DCBLD2: variants seen among roughly 807,000 people sequenced by gnomAD.
DCBLD2 encodes the protein discoidin, CUB and LCCL domain-containing protein 2.
Under a neutral mutation model 86.8 loss-of-function variants are expected in DCBLD2, and 54 were observed. That is an observed-to-expected ratio of 0.62 (90% CI 0.50 to 0.78). DCBLD2 has a LOEUF of 0.78. DCBLD2 is among the 30% of genes least tolerant of loss of function. The probability of loss-of-function intolerance (pLI) is 0.00; values close to 1 mark genes in which losing one functional copy is unlikely to be tolerated. For synonymous variants in DCBLD2, 354 were observed against 341.3 expected (o/e 1.04, Z -0.41); for missense variants, 908 against 954.2 (o/e 0.95, Z 0.64).
chr3:98,820,351 G>T, intron 6 of DCBLD2, 63 bp from the exon 7 acceptor site: 1 of 1,246,154 alleles, frequency 8.0e-7, no homozygotes, highest in Non-Finnish European at 1.1e-6. Flanking sequence ...CATATTTAGT[G>T]AAACATTTTC....
intron 5 of DCBLD2, 144 bp from the exon 6 acceptor site, chr3:98,822,505 C>T: frequency 1.6e-6 from 2 of 1,287,118 alleles, no homozygotes; most frequent in Non-Finnish European, 2.1e-6. Context: ...GGTACTGTAA[C>T]ACAACAGTTT....
chr3:98,894,877 CT>C (rs1470980163), intron 1 of DCBLD2, among the ~76,000 whole-genome samples: 1 of 151,986 alleles, frequency 6.6e-6, no homozygotes, highest in African/African-American at 2.4e-5. Context: ...ATGAATAAAA[CT>C]CTCTCCGCTG....
chr3:98,809,976 T>A (rs937963223), intron 12 of DCBLD2, among the ~76,000 whole-genome samples: 3 of 152,142 alleles, frequency 2.0e-5, no homozygotes, highest in African/African-American at 7.2e-5. Flanking sequence ...CTTTAAAACA[T>A]CTTCTTAGGT....
chr3:98,839,125 T>TTC (rs1206948218), intron 3 of DCBLD2, among the ~76,000 whole-genome samples: 7 of 23,628 alleles, frequency 3.0e-4, no homozygotes, highest in Admixed American at 7.8e-4. Context: ...TTCTTTTTCT[T>TTC]TCTTTCCTTC....
chr3:98,888,826 C>T (rs1241792870), intron 1 of DCBLD2, among the ~76,000 whole-genome samples: 1 of 152,028 alleles, frequency 6.6e-6, no homozygotes, highest in Non-Finnish European at 1.5e-5. Flanking sequence ...ATGACCTCTA[C>T]TGCAGTTCAG....
Position 98,901,458 on chromosome 3 carries a change from C to T in DCBLD2, c.-132G>A. ...AGGCAGCCCTCGCCTCACCCCGCGC[C>T]GGGACCCTTCCGCCCCTCACCCCGC... On this transcript the variant is annotated 5_prime_UTR_variant, in exon 1 of 16. Coordinates refer to ENST00000326840, the MANE Select transcript of DCBLD2 (RefSeq NM_080927.4). 1.1e-6 allele frequency: 1 copy of T among 919,482 alleles called. No individual in the cohort carries two copies. The highest frequency in any genetic ancestry group is 1.4e-6 in the Non-Finnish European group (1 of 704,220). 57.0% of individuals were successfully genotyped at this position (919,482 alleles called of 1,614,324 possible).
chr3:98,879,568 C>T (rs891005626), intron 2 of DCBLD2, among the ~76,000 whole-genome samples: 17 of 151,880 alleles, frequency 1.1e-4, no homozygotes, highest in Non-Finnish European at 2.1e-4. Flanking sequence ...TTTGTATTTT[C>T]AGTAGAGGCA....
intron 2 of DCBLD2, among the ~76,000 whole-genome samples, chr3:98,856,929 G>A (rs376391182): frequency 6.6e-6 from 1 of 152,330 alleles, no homozygotes; most frequent in African/African-American, 2.4e-5. Context: ...AAATGGCAAA[G>A]AAGATTCAAC....
chr3:98,874,002 G>A (rs1943322318), intron 2 of DCBLD2, among the ~76,000 whole-genome samples: 1 of 152,166 alleles, frequency 6.6e-6, no homozygotes, highest in South Asian at 2.1e-4. Context: ...AGGTGAATGG[G>A]TAATTTACCA....
chr3:98,798,142 T>C lies in DCBLD2; in HGVS notation c.*1230A>G, dbSNP rs569228692. 2 of 152,328 alleles carry C rather than the reference T, an allele frequency of 1.3e-5. No homozygotes were observed. Among genetic ancestry groups the C allele is most frequent in the East Asian group, 3.9e-4 (2 of 5,186 alleles). 9.4% of individuals were successfully genotyped at this position (152,328 alleles called of 1,614,324 possible). ...CATGAATATTCATTTGCTAGTAAGCTATAATGTCTGTTCCCTAGGTGACAT... is the reference window on the plus strand; with the variant it reads ...CATGAATATTCATTTGCTAGTAAGCCATAATGTCTGTTCCCTAGGTGACAT... On this transcript the variant is annotated 3_prime_UTR_variant, in exon 16 of 16. Coordinates refer to ENST00000326840, the MANE Select transcript of DCBLD2 (RefSeq NM_080927.4).
At chr3:98,868,257 T>C (rs1021958440) in intron 2 of DCBLD2, among the ~76,000 whole-genome samples, 1 of 152,164 alleles carries the variant, frequency 6.6e-6, no homozygotes, top group Non-Finnish European at 1.5e-5. Context: ...ATGAACTTCA[T>C]CCAAACAATA....
In DCBLD2 at chr3:98,858,673, T is replaced by C. The variant is rs540959214; in HGVS notation, c.434-9075A>G. Reference sequence around the variant, plus strand: ...TGGTAAGGGGTTAATACCAAAAACATATGAGGTCAAACAACTCAAAAGCAA... The same window carrying C: ...TGGTAAGGGGTTAATACCAAAAACACATGAGGTCAAACAACTCAAAAGCAA... On this transcript the variant is annotated intron_variant, in intron 2 of 15. Transcript: ENST00000326840. Among the ~76,000 whole-genome samples the C allele has an allele frequency of 1.3e-4, 20 of 152,148 alleles. 1 individual carries two copies. In the South Asian group the frequency reaches 2.9e-3, roughly 22 times the overall value.
chr3:98,832,492 T>C lies in DCBLD2; in HGVS notation c.572-7126A>G, dbSNP rs1205098060. Among the ~76,000 whole-genome samples the C allele has an allele frequency of 2.0e-5, 3 of 152,356 alleles. No individual in the cohort carries two copies. The East Asian group carries it at 5.8e-4, about 29-fold the overall frequency. ...ATCCTGTCATTGTGTTGTTAGCTGA[T>C]TATTATGCTGGCTTGTTTGTGTGGT... is the stretch of plus-strand genomic sequence containing the variant. On this transcript the variant is annotated intron_variant, in intron 3 of 15. Coordinates refer to ENST00000326840, the MANE Select transcript of DCBLD2 (RefSeq NM_080927.4).
chr3:98,891,418 T>C (rs1245679075), intron 1 of DCBLD2, among the ~76,000 whole-genome samples: 1 of 152,050 alleles, frequency 6.6e-6, no homozygotes, highest in Non-Finnish European at 1.5e-5. Flanking sequence ...TTAGCAGTTC[T>C]AAATTTAGTC....
chr3:98,877,213 C>T (rs1943387554), intron 2 of DCBLD2, among the ~76,000 whole-genome samples: 3 of 152,020 alleles, frequency 2.0e-5, no homozygotes, highest in Admixed American at 1.3e-4. Flanking sequence ...GGAAGATGAA[C>T]AGAAAGAAAT....
rs1277590029 is a variant in DCBLD2, at chr3:98,797,455, T to A, written c.*1917A>T. ...CTTGAGGAAAAGTATATTCTCTGTG[T>A]ACTAAGGATGAATTAAAAAATCAAC... On this transcript the variant is annotated 3_prime_UTR_variant, in exon 16 of 16. Transcript: ENST00000326840. 2.6e-5 allele frequency: 4 copies of A among 152,618 alleles called. No individual in the cohort carries two copies. Among genetic ancestry groups the A allele is most frequent in the Non-Finnish European group, 5.9e-5 (4 of 68,042 alleles). 9.5% of individuals were successfully genotyped at this position (152,618 alleles called of 1,614,324 possible).
chr3:98,901,173 G>T lies in DCBLD2; in HGVS notation c.154C>A (p.Leu52Met). 1 of 1,538,238 alleles carries T rather than the reference G, an allele frequency of 6.5e-7. No individual in the cohort carries two copies. Among genetic ancestry groups the T allele is most frequent in the Non-Finnish European group, 8.7e-7 (1 of 1,146,836 alleles). ...SSSFSMPLFL[L>M]LLLVLLLLLE... ...AGCAGGAGCAGGACAAGTAAGAGCA[G>T]GAGGAACAGAGGCATGGAGAAGGAG... The change falls in exon 1 of 16, where the codon CTG becomes ATG. Residue 52 changes from leucine to methionine, a missense_variant. Physicochemically the swap from Leu to Met is conservative, Grantham distance 15. Transcript: ENST00000326840.
chr3:98,827,179 T>C (rs1430259174), intron 3 of DCBLD2, among the ~76,000 whole-genome samples: 2 of 152,144 alleles, frequency 1.3e-5, no homozygotes, highest in East Asian at 3.9e-4. Flanking sequence ...GATGCCTAAA[T>C]AGGGGCTCAC....
At chr3:98,825,764 T>G (rs1424164528) in intron 3 of DCBLD2, among the ~76,000 whole-genome samples, 1 of 150,390 alleles carries the variant, frequency 6.6e-6, no homozygotes, top group Non-Finnish European at 1.5e-5. Context: ...AAATATTTCT[T>G]GGTTATTATA....
Sources: gnomAD v4.1 joint callset for allele counts (sites outside exome capture counted in the v4.1 genomes callset) on GRCh38, gnomAD v4.1.1 for gene constraint, MANE v1.5 for transcripts, NCBI Gene and HGNC (gene_info 2026-07-23, HGNC 2026-07-21) for gene names.